PTPRJ: variants seen among roughly 807,000 people sequenced by gnomAD.
PTPRJ encodes receptor-type tyrosine-protein phosphatase eta.
PTPRJ carries 129 observed loss-of-function variants against 141.3 expected under a neutral mutation model. The observed-to-expected ratio is 0.91, with a 90% CI of 0.79 to 1.06. PTPRJ has a LOEUF of 1.06. PTPRJ is among the 50% of genes least tolerant of loss of function. PTPRJ has a pLI of 0.00. For synonymous variants in PTPRJ, 610 were observed against 640.5 expected, an observed-to-expected ratio of 0.95 and a Z score of 0.72; for missense variants, 1,601 against 1,679.7, an observed-to-expected ratio of 0.95 and a Z score of 0.82.
At chr11:48,022,520 G>C (rs972092693) in intron 1 of PTPRJ, among the ~76,000 whole-genome samples, 1 of 150,364 alleles carries the variant, frequency 6.7e-6, no homozygotes, top group Non-Finnish European at 1.5e-5. Flanking sequence ...CATGAGAAGA[G>C]TCCTGGTCTG....
intron 1 of PTPRJ, among the ~76,000 whole-genome samples, chr11:48,011,014 C>G (rs1474419984): frequency 2.0e-5 from 3 of 151,946 alleles, no homozygotes; most frequent in Non-Finnish European, 4.4e-5. Flanking sequence ...GTTTGGTGAG[C>G]AGGGTGGGTG....
intron 1 of PTPRJ, among the ~76,000 whole-genome samples, chr11:47,985,810 C>G (rs1355154985): frequency 6.6e-6 from 1 of 152,092 alleles, no homozygotes; most frequent in Non-Finnish European, 1.5e-5. Flanking sequence ...AAGCGATTCT[C>G]CTGCCTCAGC....
chr11:48,063,415 T>C (rs557710289), intron 1 of PTPRJ, among the ~76,000 whole-genome samples: 1 of 152,358 alleles, frequency 6.6e-6, no homozygotes, highest in South Asian at 2.1e-4. Context: ...GGTTTTGGTC[T>C]CTTTCTCGCA....
chr11:48,152,936 A>G (rs978787011), intron 18 of PTPRJ, among the ~76,000 whole-genome samples: 1 of 152,190 alleles, frequency 6.6e-6, no homozygotes, highest in African/African-American at 2.4e-5. Context: ...TTTCTAAATA[A>G]GATCCCACTC....
chr11:48,098,843 C>T (rs1856082843), intron 1 of PTPRJ, among the ~76,000 whole-genome samples: 2 of 152,174 alleles, frequency 1.3e-5, no homozygotes, highest in African/African-American at 2.4e-5. Flanking sequence ...AACCTGTATT[C>T]ATTTGTTCCT....
chr11:48,121,532 T>C (rs113756844), intron 4 of PTPRJ, among the ~76,000 whole-genome samples: 34 of 152,316 alleles, frequency 2.2e-4, no homozygotes, highest in African/African-American at 7.7e-4. Context: ...ACCTTTCTGT[T>C]AAGACTCAGG....
intron 1 of PTPRJ, among the ~76,000 whole-genome samples, chr11:48,049,606 C>G (rs780946215): frequency 6.7e-6 from 1 of 148,332 alleles, no homozygotes; most frequent in Non-Finnish European, 1.5e-5. Flanking sequence ...TCCATGTACT[C>G]GGGAGGCTGA....
At chr11:48,058,797 C>G (rs1420847366) in intron 1 of PTPRJ, among the ~76,000 whole-genome samples, 1 of 152,144 alleles carries the variant, frequency 6.6e-6, no homozygotes, top group Non-Finnish European at 1.5e-5. Flanking sequence ...CTCAAAGCCC[C>G]GCAGTGATTC....
At chr11:48,165,651 G>T (rs962586602) in intron 24 of PTPRJ, among the ~76,000 whole-genome samples, 10 of 152,170 alleles carry the variant, frequency 6.6e-5, no homozygotes, top group Non-Finnish European at 1.3e-4. Flanking sequence ...CTTGGTGGTT[G>T]TTGTGGAAAG....
At chr11:48,029,632 G>A (rs1264655755) in intron 1 of PTPRJ, among the ~76,000 whole-genome samples, 1 of 152,120 alleles carries the variant, frequency 6.6e-6, no homozygotes, top group African/African-American at 2.4e-5. Context: ...TATATAAAGG[G>A]TGCTCATAGA....
rs927477615 is a variant in PTPRJ at position 48,041,141 on chromosome 11, A to G, written c.96+60133A>G. On this transcript the variant is annotated intron_variant, in intron 1 of 24. Coordinates refer to ENST00000418331, the MANE Select transcript of PTPRJ (RefSeq NM_002843.4). The stretch of plus-strand genomic sequence containing the variant: ...GAGCTCACTATGCTGGGTTTTATCT[A>G]TGTCTCCCTCGCAACTAGATCATTC... 2.4e-4 allele frequency among the ~76,000 whole-genome samples: 36 copies of G among 151,902 alleles called. 1 individual carries two copies. The highest frequency in any genetic ancestry group is 2.0e-3 in the Admixed American group (30 of 15,228).
rs1857980324 is a variant in PTPRJ, at chr11:48,168,579, T to TATAC, written c.*1219_*1222dup. On this transcript the variant is annotated 3_prime_UTR_variant, in exon 25 of 25. Coordinates refer to ENST00000418331, the MANE Select transcript of PTPRJ (RefSeq NM_002843.4). ...ATATATATATATATATATATATATA[T>TATAC]ATACACTAAGCTCTCAAAAACAGTC... 1 of 119,918 alleles carries TATAC rather than the reference T, an allele frequency of 8.3e-6. No individual in the cohort carries two copies. The highest frequency in any genetic ancestry group is 8.7e-5 in the Admixed American group (1 of 11,528). 7.4% of individuals were successfully genotyped at this position (119,918 alleles called of 1,614,324 possible).
chr11:48,018,723 G>A (rs990042980), intron 1 of PTPRJ, among the ~76,000 whole-genome samples: 2 of 152,156 alleles, frequency 1.3e-5, no homozygotes, highest in Non-Finnish European at 2.9e-5. Flanking sequence ...CTGGGGGTGC[G>A]GAATGTGGCA....
chr11:48,146,730 T>C (rs529244956), intron 14 of PTPRJ, 146 bp from the exon 15 acceptor site: 15 of 691,660 alleles, frequency 2.2e-5, no homozygotes, highest in South Asian at 6.8e-5. Context: ...TGTGTGTGTG[T>C]GCGCCTGTGT....
intron 1 of PTPRJ, among the ~76,000 whole-genome samples, chr11:48,027,161 C>T (rs1018709217): frequency 9.9e-5 from 15 of 151,496 alleles, no homozygotes; most frequent in African/African-American, 3.2e-4. Flanking sequence ...CCTGCCACCG[C>T]GCCCAGCTAA....
At chr11:48,140,340 C>T (rs115393009) in intron 11 of PTPRJ, among the ~76,000 whole-genome samples, 2,116 of 152,266 alleles carry the variant, frequency 0.014, 46 homozygotes, top group African/African-American at 0.048. Flanking sequence ...GTCTTTTAGC[C>T]CACATCTGTT....
chr11:48,124,191 T>C lies in PTPRJ; in HGVS notation c.874+321T>C, dbSNP rs527399464. On this transcript the variant is annotated intron_variant, in intron 5 of 24. Coordinates refer to ENST00000418331, the MANE Select transcript of PTPRJ (RefSeq NM_002843.4). ...CAAGTTGGGCCTTCAGAGGAACTTATCACGTCTGCTGGTTGATGTTGGCGT... is the reference window on the plus strand; with the variant it reads ...CAAGTTGGGCCTTCAGAGGAACTTACCACGTCTGCTGGTTGATGTTGGCGT... Among the ~76,000 whole-genome samples the C allele has an allele frequency of 2.3e-4, 35 of 152,334 alleles. 1 individual carries two copies. The highest frequency in any genetic ancestry group is 1.2e-4 in the Non-Finnish European group (8 of 68,022).
At chr11:48,143,300 CT>C (rs1169494450) in intron 12 of PTPRJ, among the ~76,000 whole-genome samples, 1 of 152,190 alleles carries the variant, frequency 6.6e-6, no homozygotes, top group Non-Finnish European at 1.5e-5. Flanking sequence ...GCATTCGACT[CT>C]GCCATTGTAG....
chr11:48,040,209 C>G (rs1854240070), intron 1 of PTPRJ, among the ~76,000 whole-genome samples: 1 of 152,222 alleles, frequency 6.6e-6, no homozygotes, highest in Non-Finnish European at 1.5e-5. Flanking sequence ...CACCGAAGTT[C>G]CCAGATAGCA....
Sources: allele counts gnomAD v4.1 joint callset (sites outside exome capture counted in the v4.1 genomes callset), GRCh38; gene constraint gnomAD v4.1.1; transcripts MANE v1.5; gene names NCBI Gene and HGNC (gene_info 2026-07-23, HGNC 2026-07-21).